CDK13: variants seen among roughly 807,000 people sequenced by gnomAD.
CDK13 encodes cyclin-dependent kinase 13.
CDK13 carries 40 observed loss-of-function variants against 137.6 expected under a neutral mutation model. That is an observed-to-expected ratio of 0.29 (90% CI 0.23 to 0.38). The LOEUF (loss-of-function observed/expected upper bound fraction) is 0.38, where lower values mean the gene tolerates loss of function less well. Ranked by LOEUF, CDK13 falls within the 10% of genes least tolerant of loss-of-function variation. CDK13 has a pLI of 1.00. For missense variants in CDK13, 1,704 were observed against 1,951.8 expected (o/e 0.87, Z 2.39); for synonymous variants, 869 against 760.1 (o/e 1.14, Z -2.36).
intron 5 of CDK13, among the ~76,000 whole-genome samples, chr7:40,008,262 C>A (rs995951189): frequency 6.6e-6 from 1 of 152,142 alleles, no homozygotes; most frequent in African/African-American, 2.4e-5. Context: ...AAGTTTAGTT[C>A]TTTAACTGCA....
chr7:40,044,560 C>G (rs896315731), intron 5 of CDK13, among the ~76,000 whole-genome samples: 1 of 152,138 alleles, frequency 6.6e-6, no homozygotes, highest in East Asian at 1.9e-4. Context: ...CTCAGATGAT[C>G]CACCTGCCTC....
rs1221396365 is a variant in CDK13, at chr7:40,095,817, T to C, written c.*837T>C. The C allele has an allele frequency of 6.6e-6, 1 of 152,218 alleles. No homozygotes were observed. Among genetic ancestry groups the C allele is most frequent in the African/African-American group, 2.4e-5 (1 of 41,454 alleles). 9.4% of individuals were successfully genotyped at this position (152,218 alleles called of 1,614,324 possible). A position where few individuals can be genotyped will look rare whatever the true frequency, so the allele number is the denominator to read the frequency against. Reference sequence around the variant, plus strand: ...TTCAGTTCCTGTTAGGTCCATTCCCTCTGCTTGTCACACTTTCTCCTTTTC... The same window carrying C: ...TTCAGTTCCTGTTAGGTCCATTCCCCCTGCTTGTCACACTTTCTCCTTTTC... On this transcript the variant is annotated 3_prime_UTR_variant, in exon 14 of 14. Coordinates refer to ENST00000181839, the MANE Select transcript of CDK13 (RefSeq NM_003718.5).
intron 1 of CDK13, among the ~76,000 whole-genome samples, chr7:39,971,710 C>CT (rs1784003199): frequency 1.3e-5 from 2 of 151,942 alleles, no homozygotes; most frequent in Non-Finnish European, 2.9e-5. Flanking sequence ...TGGTGAAACT[C>CT]TGTCTTTACT....
chr7:39,997,103 TA>T (rs1178858840), intron 2 of CDK13, among the ~76,000 whole-genome samples: 3 of 152,180 alleles, frequency 2.0e-5, no homozygotes, highest in Non-Finnish European at 2.9e-5. Context: ...ACTTTATTTT[TA>T]TAACAGTCTT....
In CDK13 at chr7:39,951,829, C is replaced by T; in HGVS notation, c.1188C>T (p.Arg396=). Reference sequence around the variant, plus strand: ...GCAGCAGCAGCTGGCGCCGCTCTCGCAGTCCCTACAGCCCTGTGCTCAGGT... The same window carrying T: ...GCAGCAGCAGCTGGCGCCGCTCTCGTAGTCCCTACAGCCCTGTGCTCAGGT... The part of the protein sequence containing the change: ...PYSSSSWRRS[R]SPYSPVLRRS... The change falls in exon 1 of 14, where the codon CGC becomes CGT. Residue 396 remains arginine, a synonymous_variant. Transcript: ENST00000181839. 1.4e-6 allele frequency: 2 copies of T among 1,456,836 alleles called. No individual in the cohort carries two copies. Among genetic ancestry groups the T allele is most frequent in the Non-Finnish European group, 1.8e-6 (2 of 1,114,108 alleles). The allele number at this position is 1,456,836 out of a possible 1,614,324, so 90.2% of individuals were successfully genotyped here.
chr7:40,015,075 A>G (rs1255360236), intron 5 of CDK13, among the ~76,000 whole-genome samples: 1 of 152,206 alleles, frequency 6.6e-6, no homozygotes, highest in Non-Finnish European at 1.5e-5. Flanking sequence ...GTTAAGATAC[A>G]CCAAATAATG....
chr7:40,069,015 C>G (rs973415911), intron 9 of CDK13, among the ~76,000 whole-genome samples: 4 of 152,140 alleles, frequency 2.6e-5, no homozygotes, highest in African/African-American at 9.7e-5. Flanking sequence ...AGGTGGATCA[C>G]TAGAGCCCAG....
chr7:40,020,595 A>T (rs1785096600), intron 5 of CDK13, among the ~76,000 whole-genome samples: 1 of 152,210 alleles, frequency 6.6e-6, no homozygotes, highest in African/African-American at 2.4e-5. Context: ...GGTTACACAT[A>T]CTTCTTGCAA....
At position 39,951,123 on chromosome 7, in the gene CDK13, G is replaced by A. The variant is rs902803165; in HGVS notation, c.482G>A (p.Gly161Glu). ...TCCGAGCAGGGGCTGCTGCTGGGGG[G>A]GGCCAGCGCGGCAACGGCGGCGACG... Reference protein sequence around the residue: ...SQSEQGLLLGGASAATAATAA... With the variant: ...SQSEQGLLLGEASAATAATAA... Residue 161 changes from glycine (G) to glutamate (E), a missense_variant, in exon 1 of 14, where the codon GGG becomes GAG. Physicochemically the swap from Gly to Glu is moderately conservative, Grantham distance 98. Transcript: ENST00000181839. 2.4e-6 allele frequency: 3 copies of A among 1,243,980 alleles called. No individual in the cohort carries two copies. Among genetic ancestry groups the A allele is most frequent in the African/African-American group, 1.5e-5 (1 of 64,520 alleles). The allele number at this position is 1,243,980 out of a possible 1,614,324, so 77.1% of individuals were successfully genotyped here.
At chr7:40,083,542 A>T (rs539662749) in intron 11 of CDK13, among the ~76,000 whole-genome samples, 7 of 152,292 alleles carry the variant, frequency 4.6e-5, no homozygotes, top group African/African-American at 1.4e-4. Flanking sequence ...ATTGTTTCTT[A>T]ATTATGTTTT....
At chr7:40,076,424 G>A (rs951474034) in intron 9 of CDK13, among the ~76,000 whole-genome samples, 1 of 152,166 alleles carries the variant, frequency 6.6e-6, no homozygotes, top group Non-Finnish European at 1.5e-5. Flanking sequence ...GGGAGAAGGA[G>A]CATTAGCATA....
rs1785179838 is a variant in CDK13 at position 40,023,748 on chromosome 7, G to A, written c.2353+21717G>A. Among the ~76,000 whole-genome samples, 4 of 151,996 alleles carry A rather than the reference G, an allele frequency of 2.6e-5. No individual in the cohort carries two copies. The South Asian group carries it at 8.3e-4, about 31-fold the overall frequency. On this transcript the variant is annotated intron_variant, in intron 5 of 13. Coordinates refer to ENST00000181839, the MANE Select transcript of CDK13 (RefSeq NM_003718.5). ...GATCCGCCCGCCTCGGCCTCCCAAA[G>A]TGCTGAGATTACAGGCGTGAGCCAC... is the stretch of plus-strand genomic sequence containing the variant.
At chr7:40,021,114 TATATATATACACAC>T (rs1317174542) in intron 5 of CDK13, among the ~76,000 whole-genome samples, 3 of 94,688 alleles carry the variant, frequency 3.2e-5, no homozygotes, top group African/African-American at 1.2e-4. Flanking sequence ...TATATATATA[TATATATATACACAC>T]ACACACACAC....
intron 1 of CDK13, among the ~76,000 whole-genome samples, chr7:39,976,323 T>TCTCTCTCTCTCACACACACACACACACA: frequency 3.3e-4 from 13 of 39,564 alleles, no homozygotes; most frequent in Non-Finnish European, 4.7e-4. Flanking sequence ...TCTCTCTCTC[T>TCTCTCTCTCTCACACACACACACACACA]CACACACACA....
At position 39,982,542 on chromosome 7, in the gene CDK13, G is replaced by T. The variant is rs376956162; in HGVS notation, c.1212-5057G>T. ...TTGGGTATATACCCAGTAATGGGAT[G>T]GCTGGGTCAAATGGTATTTCTAGTT... On this transcript the variant is annotated intron_variant, in intron 1 of 13. Transcript: ENST00000181839. Among the ~76,000 whole-genome samples the T allele has an allele frequency of 2.9e-3, 440 of 152,074 alleles. 5 individuals carry two copies. Among genetic ancestry groups the T allele is most frequent in the East Asian group, 0.021 (110 of 5,146 alleles).
chr7:39,952,761 C>T (rs964579528), intron 1 of CDK13: 10 of 152,062 alleles, frequency 6.6e-5, no homozygotes, highest in African/African-American at 2.2e-4. Flanking sequence ...GATCTTTGTC[C>T]AGAAATCTTT....
At chr7:40,084,795 T>C (rs930764737) in intron 11 of CDK13, among the ~76,000 whole-genome samples, 3 of 152,228 alleles carry the variant, frequency 2.0e-5, no homozygotes, top group Non-Finnish European at 2.9e-5. Context: ...CATACAGTAC[T>C]ACCCCATGAG....
Position 39,950,921 on chromosome 7 carries a change from A to G in CDK13, c.280A>G (p.Arg94Gly). 1 of 1,318,594 alleles carries G rather than the reference A, an allele frequency of 7.6e-7. No individual in the cohort carries two copies. The highest frequency in any genetic ancestry group is 3.1e-5 in the East Asian group (1 of 32,054). The allele number at this position is 1,318,594 out of a possible 1,614,324, so 81.7% of individuals were successfully genotyped here. A position where few individuals can be genotyped will look rare whatever the true frequency, so the allele number is the denominator to read the frequency against. ...GPPLEVKRLA[R>G]GKRRAGGRQK... is the part of the protein sequence containing the mutation. ...CCCTCTGGAGGTCAAGCGGCTGGCGAGAGGCAAGAGGCGCGCAGGAGGGCG... is the reference window on the plus strand; with the variant it reads ...CCCTCTGGAGGTCAAGCGGCTGGCGGGAGGCAAGAGGCGCGCAGGAGGGCG... Residue 94 changes from arginine to glycine, a missense_variant, in exon 1 of 14, where the codon AGA (arginine) becomes GGA (glycine). Physicochemically the swap from Arg to Gly is moderately radical, Grantham distance 125. This residue lies in a region of CDK13 where 1,051 missense variants were observed against 931.0 expected (regional missense o/e 1.13). Transcript: ENST00000181839.
At chr7:40,079,469 A>G (rs1786618016) in intron 11 of CDK13, among the ~76,000 whole-genome samples, 2 of 152,264 alleles carry the variant, frequency 1.3e-5, no homozygotes, top group Non-Finnish European at 2.9e-5. Context: ...TACTTCTACT[A>G]AATACTTAAC....
Sources: gnomAD v4.1 joint callset for allele counts (sites outside exome capture counted in the v4.1 genomes callset) on GRCh38, gnomAD v4.1.1 for gene constraint, gnomAD v4.1.1 regional missense constraint, MANE v1.5 for transcripts, NCBI Gene and HGNC (gene_info 2026-07-23, HGNC 2026-07-21) for gene names.